AKAP6: variants seen among roughly 807,000 people sequenced by gnomAD.
AKAP6 encodes the protein A-kinase anchoring protein 6, also known as A-kinase anchor protein 6.
AKAP6 carries 58 observed loss-of-function variants against 188.5 expected under a neutral mutation model. The ratio of observed to expected loss-of-function variants is 0.31; its 90% CI spans 0.25 to 0.38. AKAP6 has a LOEUF of 0.38. Ranked by LOEUF, AKAP6 falls within the 10% of genes least tolerant of loss-of-function variation. The pLI is 1.00. For synonymous variants in AKAP6, 989 were observed against 998.6 expected, an observed-to-expected ratio of 0.99 and a Z score of 0.18; for missense variants, 2,710 against 2,740.0, an observed-to-expected ratio of 0.99 and a Z score of 0.24.
intron 1 of AKAP6, among the ~76,000 whole-genome samples, chr14:32,409,511 CAGT>C (rs1889411183): frequency 6.6e-6 from 1 of 152,188 alleles, no homozygotes; most frequent in Non-Finnish European, 1.5e-5. Flanking sequence ...CTTCAAAAAA[CAGT>C]AGCCCCTTAT....
At chr14:32,645,172 T>G (rs563667999) in intron 7 of AKAP6, among the ~76,000 whole-genome samples, 2 of 152,298 alleles carry the variant, frequency 1.3e-5, no homozygotes, top group African/African-American at 4.8e-5. Flanking sequence ...ACTCTGTATA[T>G]AGGAAAATTA....
intron 9 of AKAP6, among the ~76,000 whole-genome samples, chr14:32,712,161 G>A (rs1299518308): frequency 6.6e-6 from 1 of 151,930 alleles, no homozygotes; most frequent in Admixed American, 6.6e-5. Flanking sequence ...TGAATCTTTT[G>A]GTTTCGCAGT....
At chr14:32,626,900 T>C (rs1420633336) in intron 7 of AKAP6, among the ~76,000 whole-genome samples, 1 of 152,138 alleles carries the variant, frequency 6.6e-6, no homozygotes, top group Middle Eastern at 3.2e-3. Context: ...TCACACAACA[T>C]GTAATAGGTG....
chr14:32,748,148 G>A (rs1277688919), intron 11 of AKAP6, among the ~76,000 whole-genome samples: 1 of 152,134 alleles, frequency 6.6e-6, no homozygotes, highest in Non-Finnish European at 1.5e-5. Flanking sequence ...TTCAAATAAG[G>A]AAAAAACTGG....
intron 1 of AKAP6, among the ~76,000 whole-genome samples, chr14:32,360,750 T>TGC (rs1555321266): frequency 1.3e-5 from 2 of 149,022 alleles, no homozygotes; most frequent in Non-Finnish European, 1.5e-5. Context: ...TGTGTGTGTG[T>TGC]GCATGCATTT....
intron 11 of AKAP6, among the ~76,000 whole-genome samples, chr14:32,744,860 A>C (rs1459196001): frequency 6.6e-6 from 1 of 151,968 alleles, no homozygotes; most frequent in African/African-American, 2.4e-5. Flanking sequence ...CTTCAAGCTC[A>C]CTAATTCTTC....
chr14:32,333,319 T>C (rs1359182684), intron 1 of AKAP6, among the ~76,000 whole-genome samples: 1 of 152,120 alleles, frequency 6.6e-6, no homozygotes, highest in Non-Finnish European at 1.5e-5. Context: ...CTAGAACCCA[T>C]GAATGGCAGT....
intron 12 of AKAP6, among the ~76,000 whole-genome samples, chr14:32,814,243 A>T (rs1399830985): frequency 6.6e-6 from 1 of 152,222 alleles, no homozygotes; most frequent in Non-Finnish European, 1.5e-5. Flanking sequence ...ACATAAAGTT[A>T]ATCACTTTAA....
chr14:32,664,574 G>A (rs1888839813), intron 7 of AKAP6, among the ~76,000 whole-genome samples: 1 of 151,934 alleles, frequency 6.6e-6, no homozygotes, highest in Non-Finnish European at 1.5e-5. Flanking sequence ...TTCCTTTTTG[G>A]GTTCTATGGG....
At chr14:32,409,828 T>A (rs1889423042) in intron 1 of AKAP6, among the ~76,000 whole-genome samples, 1 of 152,030 alleles carries the variant, frequency 6.6e-6, no homozygotes, top group Non-Finnish European at 1.5e-5. Context: ...TCCAGGAGAG[T>A]CCACTTGGTT....
chr14:32,456,525 A>G (rs117874294), intron 2 of AKAP6, among the ~76,000 whole-genome samples: 5,642 of 152,344 alleles, frequency 0.037, 125 homozygotes, highest in East Asian at 0.1. Flanking sequence ...AATAACAAAA[A>G]TATTTAGCTG....
At chr14:32,452,085 A>C (rs1344249322) in intron 2 of AKAP6, among the ~76,000 whole-genome samples, 1 of 134,660 alleles carries the variant, frequency 7.4e-6, no homozygotes, top group Non-Finnish European at 1.5e-5. Context: ...CCAGTGGTGC[A>C]ATCACGGCTC....
chr14:32,600,940 A>C, intron 7 of AKAP6, 148 bp downstream of exon 7: 1 of 685,778 alleles, frequency 1.5e-6, no homozygotes, highest in South Asian at 6.1e-5. Context: ...AACAAAATGA[A>C]ATGCCTTAGT....
intron 1 of AKAP6, among the ~76,000 whole-genome samples, chr14:32,421,567 G>C (rs2891192): frequency 0.063 from 9,586 of 150,982 alleles, 378 homozygotes; most frequent in African/African-American, 0.091. Flanking sequence ...CTTTTTTACC[G>C]AAATCATATT....
At chr14:32,807,325 C>CAA (rs10707499) in intron 12 of AKAP6, among the ~76,000 whole-genome samples, 5 of 105,240 alleles carry the variant, frequency 4.8e-5, no homozygotes, top group Admixed American at 1.1e-4. Context: ...GACCATGTCT[C>CAA]AAAAAAAAAA....
chr14:32,578,223 A>T (rs1876525695), intron 5 of AKAP6, among the ~76,000 whole-genome samples: 1 of 152,092 alleles, frequency 6.6e-6, no homozygotes, highest in African/African-American at 2.4e-5. Flanking sequence ...AGAGATGGAG[A>T]GGGAGAAAAG....
At chr14:32,392,981 A>G (rs922732354) in intron 1 of AKAP6, among the ~76,000 whole-genome samples, 3 of 152,064 alleles carry the variant, frequency 2.0e-5, no homozygotes, top group Admixed American at 6.6e-5. Context: ...TCTTCTGTAT[A>G]TTACCCTCAA....
intron 5 of AKAP6, among the ~76,000 whole-genome samples, chr14:32,597,030 TG>T (rs1264067668): frequency 6.6e-6 from 1 of 152,196 alleles, no homozygotes; most frequent in African/African-American, 2.4e-5. Flanking sequence ...TTATGTTAAA[TG>T]GTTCTTTTCT....
intron 1 of AKAP6, among the ~76,000 whole-genome samples, chr14:32,390,853 C>A (rs140068987): frequency 6.6e-6 from 1 of 152,082 alleles, no homozygotes; most frequent in Non-Finnish European, 1.5e-5. Context: ...AAATTCACGA[C>A]GCAAGCCTCC....
Sources: gnomAD v4.1 joint callset for allele counts (sites outside exome capture counted in the v4.1 genomes callset) on GRCh38, gnomAD v4.1.1 for gene constraint, MANE v1.5 for transcripts, NCBI Gene and HGNC (gene_info 2026-07-23, HGNC 2026-07-21) for gene names.